PIP5K1B: variants seen among roughly 807,000 people sequenced by gnomAD.
PIP5K1B encodes the protein phosphatidylinositol 4-phosphate 5-kinase type-1 beta.
PIP5K1B carries 42 observed loss-of-function variants against 67.0 expected under a neutral mutation model. That is an observed-to-expected ratio of 0.63 (90% CI 0.49 to 0.81). The LOEUF (loss-of-function observed/expected upper bound fraction) is 0.81. Ranked by LOEUF, PIP5K1B falls within the 30% of genes least tolerant of loss-of-function variation. The probability of loss-of-function intolerance (pLI) is 0.00; values close to 1 mark genes in which losing one functional copy is unlikely to be tolerated. For missense variants in PIP5K1B, 459 were observed against 646.3 expected (o/e 0.71, Z 3.14); for synonymous variants, 214 against 231.4 (o/e 0.92, Z 0.68).
intron 12 of PIP5K1B, among the ~76,000 whole-genome samples, chr9:68,930,368 T>G (rs1178569866): frequency 6.6e-6 from 1 of 152,108 alleles, no homozygotes; most frequent in Non-Finnish European, 1.5e-5. Flanking sequence ...CCCCAGAGTC[T>G]GCCTCTCTAC....
At chr9:68,924,655 T>C (rs1445763122) in intron 12 of PIP5K1B, among the ~76,000 whole-genome samples, 2 of 152,112 alleles carry the variant, frequency 1.3e-5, no homozygotes, top group African/African-American at 2.4e-5. Flanking sequence ...TATATAGTTA[T>C]TTTATCATTT....
chr9:68,813,310 A>G (rs1420495003), intron 2 of PIP5K1B, among the ~76,000 whole-genome samples: 2 of 152,264 alleles, frequency 1.3e-5, no homozygotes, highest in Non-Finnish European at 2.9e-5. Flanking sequence ...TAATGTGACT[A>G]CGAAGTCCAA....
intron 4 of PIP5K1B, among the ~76,000 whole-genome samples, chr9:68,836,365 A>G (rs997644980): frequency 2.0e-5 from 3 of 152,214 alleles, no homozygotes; most frequent in Non-Finnish European, 4.4e-5. Context: ...TTGTAAATAC[A>G]AAAGAGATTT....
chr9:68,885,108 A>G (rs1824401427), intron 6 of PIP5K1B, among the ~76,000 whole-genome samples: 1 of 152,240 alleles, frequency 6.6e-6, no homozygotes, highest in Non-Finnish European at 1.5e-5. Flanking sequence ...TATATACACA[A>G]TGGAATACTG....
rs78159077 is a variant in PIP5K1B, at chr9:68,955,196, T to C, written c.1502+14406T>C. On this transcript the variant is annotated intron_variant, in intron 14 of 15. Transcript: ENST00000265382. ...GTCCTTGGCATAAGTGCTCAGAAAATGTTTCATAATTATCCACATGCAACA... is the reference window on the plus strand; with the variant it reads ...GTCCTTGGCATAAGTGCTCAGAAAACGTTTCATAATTATCCACATGCAACA... Among the ~76,000 whole-genome samples, 1,416 of 152,302 alleles carry C rather than the reference T, an allele frequency of 9.3e-3. 26 individuals are homozygous for C. The highest frequency in any genetic ancestry group is 0.032 in the African/African-American group (1,349 of 41,560).
chr9:68,721,886 G>A (rs1827903140), intron 1 of PIP5K1B, among the ~76,000 whole-genome samples: 1 of 152,174 alleles, frequency 6.6e-6, no homozygotes, highest in Admixed American at 6.5e-5. Flanking sequence ...TCATTTCCCT[G>A]TAGCGTGGCT....
chr9:68,997,485 G>C (rs1830646524), intron 15 of PIP5K1B, among the ~76,000 whole-genome samples: 1 of 152,206 alleles, frequency 6.6e-6, no homozygotes, highest in South Asian at 2.1e-4. Flanking sequence ...ATTTTAGTGA[G>C]AGCAGAGTAG....
intron 14 of PIP5K1B, among the ~76,000 whole-genome samples, chr9:68,988,086 G>A (rs182579423): frequency 3.1e-3 from 469 of 152,174 alleles, no homozygotes; most frequent in Non-Finnish European, 5.1e-3. Context: ...GGGCTTATGG[G>A]TAAAGGAATG....
At chr9:68,786,606 T>G (rs1831632433) in intron 2 of PIP5K1B, among the ~76,000 whole-genome samples, 1 of 151,988 alleles carries the variant, frequency 6.6e-6, no homozygotes, top group South Asian at 2.1e-4. Context: ...AACAGTATTA[T>G]ATTAAAGGAA....
intron 2 of PIP5K1B, chr9:68,788,474 T>TTTTTGTTGTTTTGTTTTGTTTTG (rs143751151): frequency 1.0e-5 from 3 of 290,836 alleles, no homozygotes; most frequent in African/African-American, 6.9e-5. Flanking sequence ...ATCAGGAAGG[T>TTTTTGTTGTTTTGTTTTGTTTTG]TTTTGTTTTG....
chr9:68,738,042 G>A (rs1828823662), intron 1 of PIP5K1B, among the ~76,000 whole-genome samples: 1 of 152,208 alleles, frequency 6.6e-6, no homozygotes, highest in Admixed American at 6.5e-5. Context: ...CATAGGTAAT[G>A]ACTGAGTGTT....
chr9:68,740,924 C>T (rs1828975480), intron 1 of PIP5K1B, among the ~76,000 whole-genome samples: 1 of 152,198 alleles, frequency 6.6e-6, no homozygotes, highest in Admixed American at 6.5e-5. Flanking sequence ...AGGTCTTTTA[C>T]CTACAAACCT....
At chr9:68,874,309 G>A (rs1823769205) in intron 5 of PIP5K1B, among the ~76,000 whole-genome samples, 2 of 152,068 alleles carry the variant, frequency 1.3e-5, no homozygotes, top group Admixed American at 6.6e-5. Flanking sequence ...ATGATTTAGT[G>A]GTTTTTTTGA....
At chr9:68,973,924 C>G (rs1248484828) in intron 14 of PIP5K1B, among the ~76,000 whole-genome samples, 1 of 152,222 alleles carries the variant, frequency 6.6e-6, no homozygotes, top group Non-Finnish European at 1.5e-5. Context: ...GTCACCCAAG[C>G]TGGAGCACAG....
At chr9:68,805,154 G>A (rs778137912) in intron 2 of PIP5K1B, among the ~76,000 whole-genome samples, 18 of 152,220 alleles carry the variant, frequency 1.2e-4, no homozygotes, top group Middle Eastern at 3.2e-3. Flanking sequence ...GGCTGTCAGA[G>A]CACCTGCCAC....
intron 5 of PIP5K1B, among the ~76,000 whole-genome samples, chr9:68,870,714 C>T (rs1288519174): frequency 6.6e-6 from 1 of 152,200 alleles, no homozygotes; most frequent in Non-Finnish European, 1.5e-5. Context: ...CTAATGTCTG[C>T]ACATCAAGAC....
intron 6 of PIP5K1B, among the ~76,000 whole-genome samples, chr9:68,887,023 C>T (rs1452436508): frequency 6.6e-6 from 1 of 152,224 alleles, no homozygotes; most frequent in Non-Finnish European, 1.5e-5. Flanking sequence ...TGCCCGTTCC[C>T]CAGATAGCCA....
At chr9:68,957,082 T>C (rs1055459631) in intron 14 of PIP5K1B, among the ~76,000 whole-genome samples, 1 of 152,236 alleles carries the variant, frequency 6.6e-6, no homozygotes, top group Non-Finnish European at 1.5e-5. Context: ...GACACTCTTA[T>C]GTATCCAGGT....
intron 14 of PIP5K1B, among the ~76,000 whole-genome samples, chr9:68,953,678 G>C (rs114202486): frequency 0.016 from 2,472 of 152,078 alleles, 73 homozygotes; most frequent in African/African-American, 0.055. Context: ...TTAGCCAAGT[G>C]CAGTGACACA....
Sources: gnomAD v4.1 joint callset for allele counts (sites outside exome capture counted in the v4.1 genomes callset) on GRCh38, gnomAD v4.1.1 for gene constraint, MANE v1.5 for transcripts, NCBI Gene and HGNC (gene_info 2026-07-23, HGNC 2026-07-21) for gene names.